The following CNGA1 variants were observed in gnomAD, a reference collection of about 807,000 sequenced individuals.
CNGA1 encodes cyclic nucleotide gated channel subunit alpha 1.
In CNGA1, 53 loss-of-function variants were observed where a neutral mutation model predicts 69.7. That is an observed-to-expected ratio of 0.76 (90% confidence interval 0.61 to 0.96). The LOEUF is 0.96. Among genes scored for constraint, CNGA1 ranks in the 40% least tolerant of loss-of-function variants. The pLI is 0.00. For missense variants in CNGA1, 739 were observed against 811.2 expected (o/e 0.91, Z 1.08); for synonymous variants, 249 against 283.5 (o/e 0.88, Z 1.22).
intron 3 of CNGA1, among the ~76,000 whole-genome samples, chr4:47,974,282 G>T (rs1741229434): frequency 1.3e-5 from 2 of 152,150 alleles, no homozygotes; most frequent in South Asian, 4.1e-4. Flanking sequence ...TTTTAGTGGT[G>T]GGATCATTGG....
At chr4:47,969,112 T>A (rs1404518943) in intron 3 of CNGA1, among the ~76,000 whole-genome samples, 1 of 152,188 alleles carries the variant, frequency 6.6e-6, no homozygotes, top group Non-Finnish European at 1.5e-5. Context: ...TTAGATGCAC[T>A]ATAAATTCCT....
At position 47,943,219 on chromosome 4, in the gene CNGA1, C is replaced by G; in HGVS notation, c.399G>C (p.Lys133Asn). ...EKKKKKKDKEKKKKEEKSKDK... is the reference protein window; with the variant it reads ...EKKKKKKDKENKKKEEKSKDK... The stretch of plus-strand genomic sequence containing the variant: ...CTTTGCTTTTCTCCTCTTTCTTTTT[C>G]TTCTCTTTGTCCTTTTTCTTCTTTT... The change falls in exon 8 of 11, where the codon AAG becomes AAC. Residue 133 changes from lysine to asparagine, a missense_variant. By Grantham distance (94) the Lys-to-Asn change is moderately conservative (BLOSUM62 0). Coordinates refer to ENST00000514170, the MANE Select transcript of CNGA1 (RefSeq NM_001379270.1). The G allele has an allele frequency of 6.2e-7, 1 of 1,606,306 alleles. No individual in the cohort carries two copies. The highest frequency in any genetic ancestry group is 2.2e-5 in the East Asian group (1 of 44,688).
chr4:47,974,712 T>G (rs545923013), intron 3 of CNGA1, among the ~76,000 whole-genome samples: 1 of 152,014 alleles, frequency 6.6e-6, no homozygotes, highest in South Asian at 2.1e-4. Context: ...GAACTAAGTT[T>G]TTTTTTTTTT....
intron 2 of CNGA1, among the ~76,000 whole-genome samples, chr4:48,000,369 T>G (rs563497668): frequency 2.1e-5 from 3 of 142,550 alleles, no homozygotes; most frequent in Admixed American, 2.1e-4. Context: ...TTACTAACAA[T>G]AAGTGTTTTT....
At chr4:47,954,914 C>A (rs1362060323) in intron 3 of CNGA1, among the ~76,000 whole-genome samples, 1 of 152,162 alleles carries the variant, frequency 6.6e-6, no homozygotes, top group African/African-American at 2.4e-5. Context: ...GCCCAGGGAC[C>A]TTTAGGCTAT....
At chr4:48,013,626 G>C (rs955568468) in intron 1 of CNGA1, among the ~76,000 whole-genome samples, 5 of 152,218 alleles carry the variant, frequency 3.3e-5, no homozygotes, top group African/African-American at 1.2e-4. Context: ...AGAGGTGTGA[G>C]TTTGAATAGA....
At chr4:47,977,450 C>T (rs1355432659) in intron 3 of CNGA1, among the ~76,000 whole-genome samples, 1 of 152,148 alleles carries the variant, frequency 6.6e-6, no homozygotes, top group Non-Finnish European at 1.5e-5. Context: ...GACCACCAGC[C>T]TGCGGTATTC....
intron 3 of CNGA1, among the ~76,000 whole-genome samples, chr4:47,963,879 T>C (rs868145921): frequency 2.0e-5 from 3 of 152,328 alleles, no homozygotes; most frequent in Middle Eastern, 3.4e-3. Flanking sequence ...AAATCAATAA[T>C]GACTTAAATT....
chr4:47,940,789 A>T lies in CNGA1; in HGVS notation c.626T>A (p.Ile209Asn). ...TGTCCTTGTTCGTACAAACATATCG[A>T]TTAAATAGACTATGTCTGATACGTA... is the stretch of plus-strand genomic sequence containing the variant. ...LDYVSDIVYL[I>N]DMFVRTRTGY... Residue 209 changes from isoleucine (I) to asparagine (N), a missense_variant, in exon 10 of 11, where the codon ATC becomes AAC. Transcript: ENST00000514170. 6.2e-7 allele frequency: 1 copy of T among 1,608,820 alleles called. No individual in the cohort carries two copies. Among genetic ancestry groups the T allele is most frequent in the East Asian group, 2.2e-5 (1 of 44,812 alleles).
Position 47,938,446 on chromosome 4 carries a change from T to G in CNGA1, c.653-617A>C, listed in dbSNP as rs1738827792. On this transcript the variant is annotated intron_variant, in intron 10 of 10. Transcript: ENST00000514170. ...TCTTGCTCTGTCACCTAGGCTGGAG[T>G]GCAGTGGTGCAATCTCGTCTTGCTG... 2.6e-5 allele frequency among the ~76,000 whole-genome samples: 4 copies of G among 150,986 alleles called. No homozygotes were observed. In the South Asian group the frequency reaches 8.4e-4, roughly 32 times the overall value.
At chr4:47,949,114 G>A (rs1039145632) in intron 6 of CNGA1, among the ~76,000 whole-genome samples, 1 of 152,184 alleles carries the variant, frequency 6.6e-6, no homozygotes, top group Non-Finnish European at 1.5e-5. Context: ...GCCATACAGT[G>A]GCTATGCAGG....
rs201031527 is a variant in CNGA1, at chr4:47,951,398, C to A, written c.179G>T (p.Gly60Val). ...ESENENPHAR[G>V]SFSYKSLRKG... ...TCTGAGTGACTTATAACTAAAGGAACCCCTTGCATGAGGGTTTTCATTCTC... is the reference window on the plus strand; with the variant it reads ...TCTGAGTGACTTATAACTAAAGGAAACCCTTGCATGAGGGTTTTCATTCTC... The change falls in exon 5 of 11, where the codon GGT (glycine) becomes GTT (valine). Residue 60 changes from glycine to valine, a missense_variant. By Grantham distance (109) the Gly-to-Val change is moderately radical (BLOSUM62 -3). Coordinates refer to ENST00000514170, the MANE Select transcript of CNGA1 (RefSeq NM_001379270.1). 2.7e-4 allele frequency: 435 copies of A among 1,613,714 alleles called. No homozygotes were observed. The highest frequency in any genetic ancestry group is 9.9e-4 in the Middle Eastern group (6 of 6,046).
intron 3 of CNGA1, among the ~76,000 whole-genome samples, chr4:47,956,998 A>G (rs532413529): frequency 2.2e-4 from 33 of 152,188 alleles, no homozygotes; most frequent in Non-Finnish European, 4.3e-4. Context: ...CAGTAGCACA[A>G]TCTTGGTTCA....
rs1030027616 is a variant in CNGA1 at position 48,000,535 on chromosome 4, ATT to A, written c.-123+10257_-123+10258del. Among the ~76,000 whole-genome samples the A allele has an allele frequency of 3.9e-4, 60 of 152,180 alleles. 1 individual carries two copies. Among genetic ancestry groups the A allele is most frequent in the South Asian group, 2.1e-4 (1 of 4,818 alleles). ...CAGGCATGTGCCACCACCCCAGCTA[ATT>A]TTGTATTTTTAGTAGATACGGGGCT... On this transcript the variant is annotated intron_variant, in intron 2 of 10. Coordinates refer to ENST00000514170, the MANE Select transcript of CNGA1 (RefSeq NM_001379270.1).
intron 5 of CNGA1, among the ~76,000 whole-genome samples, chr4:47,950,555 A>G (rs1739678960): frequency 6.6e-6 from 1 of 152,228 alleles, no homozygotes; most frequent in African/African-American, 2.4e-5. Flanking sequence ...AATGCCAGTA[A>G]CTCCCAACAA....
chr4:47,956,368 G>C (rs1271068004), intron 3 of CNGA1, among the ~76,000 whole-genome samples: 1 of 152,168 alleles, frequency 6.6e-6, no homozygotes, highest in Non-Finnish European at 1.5e-5. Flanking sequence ...AGGTGCAGTG[G>C]AAGTGGCTCC....
At chr4:47,998,476 T>C (rs1714495288) in intron 2 of CNGA1, among the ~76,000 whole-genome samples, 1 of 152,156 alleles carries the variant, frequency 6.6e-6, no homozygotes, top group Non-Finnish European at 1.5e-5. Flanking sequence ...ACCTCAGGCA[T>C]TAATAATGCT....
At chr4:47,955,584 G>C (rs1740041537) in intron 3 of CNGA1, among the ~76,000 whole-genome samples, 1 of 152,156 alleles carries the variant, frequency 6.6e-6, no homozygotes, top group Non-Finnish European at 1.5e-5. Flanking sequence ...GAGCCATGCT[G>C]TTTCACACCT....
chr4:48,007,380 G>T (rs1443138952), intron 2 of CNGA1, among the ~76,000 whole-genome samples: 1 of 152,134 alleles, frequency 6.6e-6, no homozygotes, highest in Non-Finnish European at 1.5e-5. Flanking sequence ...CTTAAAATCA[G>T]CCCTTACAAT....
Sources: gnomAD v4.1 joint callset for allele counts (sites outside exome capture counted in the v4.1 genomes callset) on GRCh38, gnomAD v4.1.1 for gene constraint, MANE v1.5 for transcripts, NCBI Gene and HGNC (gene_info 2026-07-23, HGNC 2026-07-21) for gene names.